DIP2C: variants seen among roughly 807,000 people sequenced by gnomAD.
DIP2C encodes DIP2 acetate--CoA ligase C (putative).
Under a neutral mutation model 192.4 loss-of-function variants are expected in DIP2C, and 33 were observed. The ratio of observed to expected loss-of-function variants is 0.17; its 90% CI spans 0.13 to 0.23. DIP2C has a LOEUF of 0.23. Among genes scored for constraint, DIP2C ranks in the 10% least tolerant of loss-of-function variants. The pLI is 1.00. For synonymous variants in DIP2C, 979 were observed against 864.1 expected, an observed-to-expected ratio of 1.13 and a Z score of -2.33; for missense variants, 1,537 against 2,110.1, an observed-to-expected ratio of 0.73 and a Z score of 5.32.
intron 1 of DIP2C, among the ~76,000 whole-genome samples, chr10:549,259 A>G (rs949674813): frequency 4.6e-5 from 7 of 151,984 alleles, no homozygotes; most frequent in African/African-American, 1.5e-4. Context: ...TTTTTCCCCA[A>G]TTGCCTCCAA....
chr10:437,773 A>G (rs1967387909), intron 4 of DIP2C: 1 of 152,232 alleles, frequency 6.6e-6, no homozygotes, highest in African/African-American at 2.4e-5. Flanking sequence ...CATTGTGACA[A>G]TGCTAATGAG....
intron 29 of DIP2C, 133 bp downstream of exon 29, chr10:341,066 C>CG: frequency 1.6e-6 from 2 of 1,282,380 alleles, no homozygotes; most frequent in Non-Finnish European, 1.1e-6. Flanking sequence ...TAGAGGGACA[C>CG]GGGTAAGCCC....
intron 1 of DIP2C, among the ~76,000 whole-genome samples, chr10:536,721 C>A (rs1847717951): frequency 6.6e-6 from 1 of 152,208 alleles, no homozygotes; most frequent in South Asian, 2.1e-4. Context: ...ACAGTGAGTG[C>A]TGTTTTTGGA....
intron 26 of DIP2C, among the ~76,000 whole-genome samples, chr10:346,746 T>C (rs71489241): frequency 0.76 from 14,303 of 18,900 alleles, 5,620 homozygotes; most frequent in Middle Eastern, 0.94. Context: ...CCCAGACACA[T>C]CACGCATAGT....
chr10:507,403 C>T (rs570907938), intron 1 of DIP2C, among the ~76,000 whole-genome samples: 20 of 150,872 alleles, frequency 1.3e-4, no homozygotes, highest in Non-Finnish European at 2.7e-4. Flanking sequence ...ACCAGCTGTG[C>T]CCAATCAGAA....
chr10:521,179 T>C (rs1056314319), intron 1 of DIP2C, among the ~76,000 whole-genome samples: 1 of 152,232 alleles, frequency 6.6e-6, no homozygotes, highest in Admixed American at 6.5e-5. Context: ...AATATCCATA[T>C]GTGATTTTAA....
intron 4 of DIP2C, among the ~76,000 whole-genome samples, chr10:428,627 T>TAC (rs1038929661): frequency 6.6e-6 from 1 of 152,132 alleles, no homozygotes; most frequent in Non-Finnish European, 1.5e-5. Flanking sequence ...ATTCTTTTTA[T>TAC]ACTTGTTCTG....
chr10:673,829 C>G (rs1185328574), intron 1 of DIP2C, among the ~76,000 whole-genome samples: 1 of 152,162 alleles, frequency 6.6e-6, no homozygotes, highest in Non-Finnish European at 1.5e-5. Context: ...GCCCCAGGTG[C>G]GTGGCTACTA....
chr10:638,043 T>G (rs979308205), intron 1 of DIP2C, among the ~76,000 whole-genome samples: 13 of 152,146 alleles, frequency 8.5e-5, no homozygotes, highest in Non-Finnish European at 1.9e-4. Flanking sequence ...CCTTCCTTCC[T>G]CTTCTGAAGC....
chr10:492,752 G>T (rs1295991033), intron 1 of DIP2C, among the ~76,000 whole-genome samples: 1 of 152,156 alleles, frequency 6.6e-6, no homozygotes, highest in Non-Finnish European at 1.5e-5. Flanking sequence ...TTTTAAATTT[G>T]TATTGTCCCC....
intron 32 of DIP2C, among the ~76,000 whole-genome samples, chr10:305,846 A>G (rs1406846598): frequency 2.0e-5 from 3 of 151,890 alleles, no homozygotes; most frequent in African/African-American, 7.3e-5. Flanking sequence ...GAGTCTCGCT[A>G]TGTTGCCCAG....
chr10:389,366 T>G (rs1963270838), intron 13 of DIP2C, among the ~76,000 whole-genome samples: 1 of 152,076 alleles, frequency 6.6e-6, no homozygotes, highest in African/African-American at 2.4e-5. Flanking sequence ...TCAGTGTGGT[T>G]GCCACAGTTC....
intron 17 of DIP2C, among the ~76,000 whole-genome samples, chr10:379,638 CACTA>C (rs1391848104): frequency 1.3e-5 from 2 of 152,212 alleles, no homozygotes; most frequent in Admixed American, 6.5e-5. Context: ...AGAAGAGAAT[CACTA>C]AGTGATACAT....
chr10:484,855 T>C, intron 2 of DIP2C: 1 of 1,611,684 alleles, frequency 6.2e-7, no homozygotes, highest in Non-Finnish European at 8.5e-7. Context: ...TTCTCGGACG[T>C]CGCACACCCC....
At position 277,470 on chromosome 10, in the gene DIP2C, T is replaced by G; in HGVS notation, c.4526A>C (p.Glu1509Ala). 1.2e-6 allele frequency: 2 copies of G among 1,614,138 alleles called. No individual in the cohort carries two copies. Among genetic ancestry groups the G allele is most frequent in the South Asian group, 2.2e-5 (2 of 91,074 alleles). Residue 1509 changes from glutamate (E) to alanine (A), a missense_variant, in exon 37 of 37, where the codon GAG (glutamate) becomes GCG (alanine). This residue lies in a region of DIP2C where 341 missense variants were observed against 551.7 expected (regional missense o/e 0.62). Transcript: ENST00000280886. ...VPLVTNVVLE[E>A]HYLIVGVVVV... ...CACCACTCCGACGATCAGGTAGTGC[T>G]CCTCCAGGACCACGTTGGTCACCAA... is the stretch of plus-strand genomic sequence containing the variant.
At chr10:350,612 C>T (rs1376925717) in intron 24 of DIP2C, among the ~76,000 whole-genome samples, 1 of 147,460 alleles carries the variant, frequency 6.8e-6, no homozygotes, top group East Asian at 2.0e-4. Flanking sequence ...CGAAGAGTGA[C>T]TGAACACCCG....
chr10:549,649 C>A (rs2130939220), intron 1 of DIP2C, among the ~76,000 whole-genome samples: 1 of 152,048 alleles, frequency 6.6e-6, no homozygotes. Flanking sequence ...CCGGGGGCTT[C>A]AGAGCGGAGG....
At chr10:350,950 A>G (rs1958774322) in intron 24 of DIP2C, among the ~76,000 whole-genome samples, 1 of 152,124 alleles carries the variant, frequency 6.6e-6, no homozygotes. Flanking sequence ...CCAGCCCAGG[A>G]ATTCTTATGT....
At position 349,311 on chromosome 10, in the gene DIP2C, A is replaced by G. The variant is rs769385850; in HGVS notation, c.3109+20T>C. The G allele has an allele frequency of 3.8e-6, 6 of 1,595,028 alleles. No homozygotes were observed. In the Admixed American group the frequency reaches 6.7e-5, roughly 18 times the overall value. Reference sequence around the variant, plus strand: ...GACCGGCTTGCCATCTCTCAGGGGAAGCCCACCCTGCGCCTGTACCTGGGG... The same window carrying G: ...GACCGGCTTGCCATCTCTCAGGGGAGGCCCACCCTGCGCCTGTACCTGGGG... On this transcript the variant is annotated intron_variant, in intron 25 of 36. Coordinates refer to ENST00000280886, the MANE Select transcript of DIP2C (RefSeq NM_014974.3).
Sources: allele counts gnomAD v4.1 joint callset (sites outside exome capture counted in the v4.1 genomes callset), GRCh38; gene constraint gnomAD v4.1.1; regional missense constraint gnomAD v4.1.1; transcripts MANE v1.5; gene names NCBI Gene and HGNC (gene_info 2026-07-23, HGNC 2026-07-21).